Variants in ABLIM1 observed in about 807,000 individuals in gnomAD.
The protein encoded by ABLIM1 is actin binding LIM protein 1.
ABLIM1 carries 40 observed loss-of-function variants against 107.0 expected under a neutral mutation model. The ratio of observed to expected loss-of-function variants is 0.37; its 90% CI spans 0.29 to 0.49. ABLIM1 has a LOEUF of 0.49. ABLIM1 is among the 20% of genes least tolerant of loss of function. The pLI is 0.97. For synonymous variants in ABLIM1, 357 were observed against 357.3 expected, an observed-to-expected ratio of 1.00 and a Z score of 0.01; for missense variants, 857 against 1,008.5, an observed-to-expected ratio of 0.85 and a Z score of 2.04.
chr10:114,717,991 A>AAGGAAGGAAGGAAGG (rs2081718787), intron 1 of ABLIM1, among the ~76,000 whole-genome samples: 3 of 86,792 alleles, frequency 3.5e-5, no homozygotes. Flanking sequence ...AGAAAGAAAG[A>AAGGAAGGAAGGAAGG]AAGGAAGGAA....
At position 114,591,651 on chromosome 10, in the gene ABLIM1, A is replaced by G. The variant is rs180990291; in HGVS notation, c.379+10176T>C. On this transcript the variant is annotated intron_variant, in intron 2 of 22. Coordinates refer to ENST00000533213, the MANE Select transcript of ABLIM1 (RefSeq NM_002313.7). ...AAAAAATTCTTCTTTCTCATACTTA[A>G]CAAAAATATCAACTGAAACCAAGTC... Among the ~76,000 whole-genome samples the G allele has an allele frequency of 3.3e-4, 51 of 152,322 alleles. No individual in the cohort carries two copies. The East Asian group carries it at 6.4e-3, about 19-fold the overall frequency.
chr10:114,490,000 C>G (rs1452241292), intron 7 of ABLIM1, among the ~76,000 whole-genome samples: 1 of 152,210 alleles, frequency 6.6e-6, no homozygotes, highest in Non-Finnish European at 1.5e-5. Context: ...AGAGCTGCAC[C>G]CGGAGCCTCT....
At chr10:114,727,850 G>A (rs543648834) in intron 1 of ABLIM1, among the ~76,000 whole-genome samples, 3 of 152,210 alleles carry the variant, frequency 2.0e-5, no homozygotes, top group African/African-American at 7.2e-5. Context: ...AGCTACCCGG[G>A]AAGTCAAGGC....
At chr10:114,705,473 T>A (rs2081401761) in intron 1 of ABLIM1, among the ~76,000 whole-genome samples, 1 of 151,630 alleles carries the variant, frequency 6.6e-6, no homozygotes, top group Admixed American at 6.6e-5. Context: ...CCTCAAACAG[T>A]GGAATCTGGA....
At chr10:114,761,846 A>G (rs1235350636) in intron 1 of ABLIM1, among the ~76,000 whole-genome samples, 1 of 151,888 alleles carries the variant, frequency 6.6e-6, no homozygotes, top group Non-Finnish European at 1.5e-5. Flanking sequence ...ATTCTTTTTT[A>G]CCTGGCTAAG....
chr10:114,637,974 C>T (rs2078563640), intron 1 of ABLIM1, among the ~76,000 whole-genome samples: 1 of 152,158 alleles, frequency 6.6e-6, no homozygotes. Flanking sequence ...ATTGCAATGC[C>T]TTCCCTGACA....
chr10:114,585,897 C>A (rs1044197822), intron 2 of ABLIM1, among the ~76,000 whole-genome samples: 1 of 152,164 alleles, frequency 6.6e-6, no homozygotes, highest in Non-Finnish European at 1.5e-5. Context: ...ATTGTCTCCT[C>A]GTCTCGACTG....
chr10:114,792,938 G>A, the ABLIM1 span, among the ~76,000 whole-genome samples: 3 of 152,182 alleles, frequency 2.0e-5, no homozygotes, highest in East Asian at 3.9e-4. Flanking sequence ...GATCACCTGA[G>A]GTCTGGAGTT....
intron 4 of ABLIM1, among the ~76,000 whole-genome samples, chr10:114,565,701 T>C (rs2070575770): frequency 6.6e-6 from 1 of 151,432 alleles, no homozygotes. Context: ...TATTAAAGGC[T>C]ACTGGACTAA....
chr10:114,536,475 C>T (rs563330374), intron 6 of ABLIM1, among the ~76,000 whole-genome samples: 126 of 151,696 alleles, frequency 8.3e-4, no homozygotes, highest in African/African-American at 2.7e-3. Context: ...CTCGAACTCC[C>T]GACCTCAGGT....
intron 7 of ABLIM1, among the ~76,000 whole-genome samples, chr10:114,489,806 C>G (rs1336578480): frequency 1.3e-5 from 2 of 152,240 alleles, no homozygotes; most frequent in Non-Finnish European, 2.9e-5. Flanking sequence ...ACTGCTCTTT[C>G]TTCAAAGATG....
chr10:114,674,289 C>CAAA lies in ABLIM1; in HGVS notation c.64+9998_64+10000dup, dbSNP rs58116385. Among the ~76,000 whole-genome samples the CAAA allele has an allele frequency of 3.1e-3, 258 of 84,578 alleles. 3 individuals carry two copies. Among genetic ancestry groups the CAAA allele is most frequent in the Middle Eastern group, 6.6e-3 (1 of 152 alleles). The allele number at this position is 84,578 out of a possible 152,430, so 55.5% of individuals were successfully genotyped here. A position where few individuals can be genotyped will look rare whatever the true frequency, so the allele number is the denominator to read the frequency against. On this transcript the variant is annotated intron_variant, in intron 1 of 23. Coordinates refer to the ABLIM1 transcript ENST00000369256. ...TGGGCCACAGAGCGAGACTCTGTCA[C>CAAA]AAAAAAAAAAAAAAAAAATTAATTA...
rs146177577 is a variant in ABLIM1, at chr10:114,675,132, C to T, written c.64+9158G>A. Among the ~76,000 whole-genome samples the T allele has an allele frequency of 6.9e-4, 105 of 152,230 alleles. 1 individual carries two copies. Among genetic ancestry groups the T allele is most frequent in the Admixed American group, 2.4e-3 (36 of 15,278 alleles). The stretch of plus-strand genomic sequence containing the variant: ...TCCCTATGTTCCATTCACCCTATGT[C>T]GCCAAGTATCCACAATCATTGAAGA... On this transcript the variant is annotated intron_variant, in intron 1 of 23. Coordinates refer to the ABLIM1 transcript ENST00000369256.
chr10:114,782,578 C>T, the ABLIM1 span, among the ~76,000 whole-genome samples: 15 of 152,014 alleles, frequency 9.9e-5, no homozygotes, highest in Non-Finnish European at 2.1e-4. Flanking sequence ...GAGACCAGTT[C>T]GAAAACCTGA....
At chr10:114,478,404 G>A (rs2056814985) in intron 8 of ABLIM1, among the ~76,000 whole-genome samples, 1 of 152,162 alleles carries the variant, frequency 6.6e-6, no homozygotes, top group African/African-American at 2.4e-5. Flanking sequence ...ATATGGTTTG[G>A]CTCTGTGCCC....
At chr10:114,598,532 G>A (rs1463495892) in intron 2 of ABLIM1, among the ~76,000 whole-genome samples, 1 of 152,110 alleles carries the variant, frequency 6.6e-6, no homozygotes, top group Non-Finnish European at 1.5e-5. Context: ...AGTTTGCAGT[G>A]AGCTGAGATC....
intron 1 of ABLIM1, among the ~76,000 whole-genome samples, chr10:114,743,332 T>A (rs808329): frequency 0.11 from 17,155 of 152,156 alleles, 991 homozygotes; most frequent in Middle Eastern, 0.15. Flanking sequence ...GTAACTCAAT[T>A]AGCTATTAAA....
intron 8 of ABLIM1, among the ~76,000 whole-genome samples, chr10:114,479,737 G>T (rs1305723727): frequency 6.6e-6 from 1 of 152,236 alleles, no homozygotes; most frequent in Admixed American, 6.5e-5. Flanking sequence ...TCTCCCTTAT[G>T]AAGGTCATAA....
At chr10:114,757,966 C>A (rs1390509048) in intron 1 of ABLIM1, among the ~76,000 whole-genome samples, 1 of 152,132 alleles carries the variant, frequency 6.6e-6, no homozygotes, top group Non-Finnish European at 1.5e-5. Flanking sequence ...CCTGACAGCT[C>A]TCAGGGCCTT....
Sources: allele counts gnomAD v4.1 joint callset (sites outside exome capture counted in the v4.1 genomes callset), GRCh38; gene constraint gnomAD v4.1.1; transcripts MANE v1.5; gene names NCBI Gene and HGNC (gene_info 2026-07-23, HGNC 2026-07-21).